Variants in MYO18B observed in about 807,000 individuals in gnomAD.
MYO18B encodes unconventional myosin-XVIIIb.
MYO18B carries 204 observed loss-of-function variants against 273.0 expected under a neutral mutation model. That is an observed-to-expected ratio of 0.75 (90% CI 0.67 to 0.84). The LOEUF is 0.84. Among genes scored for constraint, MYO18B ranks in the 40% least tolerant of loss-of-function variants. MYO18B has a pLI of 0.00. For synonymous variants in MYO18B, 1,330 were observed against 1,305.7 expected, an observed-to-expected ratio of 1.02 and a Z score of -0.40; for missense variants, 3,212 against 3,287.6, an observed-to-expected ratio of 0.98 and a Z score of 0.56.
At chr22:25,890,694 G>A (rs543494607) in intron 25 of MYO18B, 62 bp from the exon 26 acceptor site, 1 of 1,594,114 alleles carries the variant, frequency 6.3e-7, no homozygotes, top group African/African-American at 1.3e-5. Flanking sequence ...TGTGCATGGG[G>A]AGAGAAGGGT....
rs1936641408 is a variant in MYO18B, at chr22:26,030,920, T to C, written c.*490T>C. 1 of 398,496 alleles carries C rather than the reference T, an allele frequency of 2.5e-6. No homozygotes were observed. The highest frequency in any genetic ancestry group is 4.4e-6 in the Non-Finnish European group (1 of 226,074). The allele number at this position is 398,496 out of a possible 1,614,324, so 24.7% of individuals were successfully genotyped here. ...CCTTAATCCCCATGCTTGTCGATTA[T>C]ATTCCTTTGCCAATTCATTTCTCTA... On this transcript the variant is annotated 3_prime_UTR_variant, in exon 44 of 44. Coordinates refer to ENST00000335473, the MANE Select transcript of MYO18B (RefSeq NM_032608.7).
intron 21 of MYO18B, among the ~76,000 whole-genome samples, chr22:25,862,540 C>T (rs1269859675): frequency 6.6e-6 from 1 of 152,064 alleles, no homozygotes; most frequent in Non-Finnish European, 1.5e-5. Context: ...CCTTTGTTTA[C>T]CTGAGAAGGT....
intron 34 of MYO18B, among the ~76,000 whole-genome samples, chr22:25,929,964 C>T (rs780223587): frequency 1.3e-5 from 2 of 151,988 alleles, no homozygotes; most frequent in Non-Finnish European, 2.9e-5. Flanking sequence ...GTCCAGGTTT[C>T]TTCCCTTGAC....
chr22:25,942,475 C>A (rs1316896764), intron 34 of MYO18B, among the ~76,000 whole-genome samples: 1 of 152,196 alleles, frequency 6.6e-6, no homozygotes, highest in Non-Finnish European at 1.5e-5. Context: ...TTATTTTGAT[C>A]CATTCCGTCT....
rs368897377 is a variant in MYO18B, at chr22:25,798,030, C to T, written c.2454C>T (p.Ser818=). The T allele has an allele frequency of 4.3e-5, 69 of 1,613,378 alleles. No homozygotes were observed. The highest frequency in any genetic ancestry group is 6.7e-5 in the African/African-American group (5 of 75,044). ...GAMEMLGISE[S]EQRAVWRVLA... ...TGGAGATGCTCGGCATCTCAGAGAG[C>T]GAGCAGCGGGCTGTTTGGCGGGTCC... The change falls in exon 12 of 44, where the codon AGC becomes AGT. Residue 818 remains serine, a synonymous_variant. Coordinates refer to ENST00000335473, the MANE Select transcript of MYO18B (RefSeq NM_032608.7).
At chr22:25,849,771 A>C (rs2090368725) in intron 20 of MYO18B, among the ~76,000 whole-genome samples, 1 of 152,240 alleles carries the variant, frequency 6.6e-6, no homozygotes, top group Non-Finnish European at 1.5e-5. Context: ...AATAGCTCAT[A>C]TCGCTGAAGG....
At position 25,768,739 on chromosome 22, in the gene MYO18B, G is replaced by A. The variant is rs1002665198; in HGVS notation, c.823G>A (p.Glu275Lys). The A allele has an allele frequency of 8.1e-6, 13 of 1,601,526 alleles. No homozygotes were observed. The highest frequency in any genetic ancestry group is 1.7e-4 in the Middle Eastern group (1 of 6,058). ...CAGGCCCCAAGCCCAAGGGCCCGGC[G>A]AGGGGGTGCGACCAGGGAAAGCAGA... ...GTRPQAQGPG[E>K]GVRPGKAEKE... The change falls in exon 4 of 44, where the codon GAG (glutamate) becomes AAG (lysine). Residue 275 changes from glutamate to lysine, a missense_variant. Transcript: ENST00000335473.
At chr22:25,931,046 A>G (rs1431778863) in intron 34 of MYO18B, among the ~76,000 whole-genome samples, 1 of 152,106 alleles carries the variant, frequency 6.6e-6, no homozygotes, top group African/African-American at 2.4e-5. Context: ...CCCTGATGGG[A>G]GTCTTTTGTG....
chr22:25,968,382 G>A lies in MYO18B; in HGVS notation c.6156+13018G>A, dbSNP rs5997010. Among the ~76,000 whole-genome samples, 648 of 152,296 alleles carry A rather than the reference G, an allele frequency of 4.3e-3. 5 individuals carry two copies. The highest frequency in any genetic ancestry group is 0.015 in the African/African-American group (617 of 41,562). Reference sequence around the variant, plus strand: ...AAAATTGAAATGTTAGTGCCAGAAGGAGGAGAAATGGTTTCCAAAAAGGCA... The same window carrying A: ...AAAATTGAAATGTTAGTGCCAGAAGAAGGAGAAATGGTTTCCAAAAAGGCA... On this transcript the variant is annotated intron_variant, in intron 39 of 43. Coordinates refer to ENST00000335473, the MANE Select transcript of MYO18B (RefSeq NM_032608.7).
At chr22:25,861,997 GA>G (rs1369126906) in intron 21 of MYO18B, among the ~76,000 whole-genome samples, 1 of 151,610 alleles carries the variant, frequency 6.6e-6, no homozygotes, top group African/African-American at 2.4e-5. Flanking sequence ...AAAATATTTG[GA>G]AAAAAAAGGA....
At chr22:26,038,641 T>C in the MYO18B span, among the ~76,000 whole-genome samples, 1 of 152,170 alleles carries the variant, frequency 6.6e-6, no homozygotes, top group Non-Finnish European at 1.5e-5. Context: ...TTGAGGGAGC[T>C]GTAGTTACAC....
At chr22:25,980,585 AAC>A (rs1236545692) in intron 39 of MYO18B, among the ~76,000 whole-genome samples, 2 of 152,206 alleles carry the variant, frequency 1.3e-5, no homozygotes, top group South Asian at 4.1e-4. Context: ...CGCAGAAATC[AAC>A]ACAGGATGGA....
chr22:26,041,352 C>CAAAAA, the MYO18B span, among the ~76,000 whole-genome samples: 5,387 of 61,556 alleles, frequency 0.088, 117 homozygotes, highest in Middle Eastern at 0.12. Flanking sequence ...CTGTCTCTAC[C>CAAAAA]AAAAAAAAAA....
At chr22:25,892,776 A>G (rs1429507670) in intron 27 of MYO18B, 2 of 152,242 alleles carry the variant, frequency 1.3e-5, no homozygotes, top group Non-Finnish European at 2.9e-5. Context: ...GAGACCCAAC[A>G]AGGTAGGGTA....
chr22:25,838,771 G>A (rs187893685), intron 17 of MYO18B, among the ~76,000 whole-genome samples: 24 of 152,176 alleles, frequency 1.6e-4, no homozygotes, highest in African/African-American at 4.8e-4. Flanking sequence ...ATCACCTAAC[G>A]ATGCAGTTCT....
intron 1 of MYO18B, among the ~76,000 whole-genome samples, chr22:25,743,901 C>G (rs897148306): frequency 6.6e-6 from 1 of 152,176 alleles, no homozygotes; most frequent in Non-Finnish European, 1.5e-5. Context: ...CCATCAGACT[C>G]ATGTGGGGCA....
intron 39 of MYO18B, among the ~76,000 whole-genome samples, chr22:25,970,826 C>A (rs976370804): frequency 6.6e-6 from 1 of 152,134 alleles, no homozygotes; most frequent in African/African-American, 2.4e-5. Context: ...GACTTAAACA[C>A]TCAGGGGGAA....
chr22:25,841,560 G>C (rs1414457323), intron 17 of MYO18B, among the ~76,000 whole-genome samples: 1 of 152,152 alleles, frequency 6.6e-6, no homozygotes, highest in Non-Finnish European at 1.5e-5. Flanking sequence ...TAGCCAAATT[G>C]CCTCATGTCT....
chr22:25,941,709 C>T (rs779800764), intron 34 of MYO18B, among the ~76,000 whole-genome samples: 2 of 152,240 alleles, frequency 1.3e-5, no homozygotes, highest in Non-Finnish European at 2.9e-5. Context: ...AGCATGAAGA[C>T]AGCTTGTCAG....
Sources: gnomAD v4.1 joint callset for allele counts (sites outside exome capture counted in the v4.1 genomes callset) on GRCh38, gnomAD v4.1.1 for gene constraint, MANE v1.5 for transcripts, NCBI Gene and HGNC (gene_info 2026-07-23, HGNC 2026-07-21) for gene names.